ZCCHC14: variants seen among roughly 807,000 people sequenced by gnomAD.
ZCCHC14 encodes zinc finger CCHC-type containing 14, also known as zinc finger CCHC domain-containing protein 14.
Under a neutral mutation model 85.0 loss-of-function variants are expected in ZCCHC14, and 16 were observed. The ratio of observed to expected loss-of-function variants is 0.19; its 90% CI spans 0.13 to 0.29. ZCCHC14 has a LOEUF of 0.29. ZCCHC14 is among the 10% of genes least tolerant of loss of function. The pLI, the probability that ZCCHC14 is intolerant of heterozygous loss-of-function variation, is 1.00. For synonymous variants in ZCCHC14, 775 were observed against 630.7 expected (o/e 1.23, Z -3.43); for missense variants, 1,303 against 1,443.5 (o/e 0.90, Z 1.58).
intron 1 of ZCCHC14, among the ~76,000 whole-genome samples, chr16:87,482,936 C>G (rs1472509107): frequency 3.3e-5 from 5 of 151,542 alleles, no homozygotes; most frequent in African/African-American, 1.2e-4. Flanking sequence ...TATGTATGCA[C>G]AATACATGCA....
chr16:87,452,311 G>C (rs953317242), intron 2 of ZCCHC14, among the ~76,000 whole-genome samples: 1 of 152,238 alleles, frequency 6.6e-6, no homozygotes, highest in Non-Finnish European at 1.5e-5. Flanking sequence ...GGCAGGAGCT[G>C]GCAGCTCCAT....
intron 1 of ZCCHC14, chr16:87,471,629 C>G (rs1407657252): frequency 3.3e-5 from 5 of 152,322 alleles, no homozygotes; most frequent in Non-Finnish European, 5.9e-5. Context: ...CCAAGACATC[C>G]CACCAGGGGC....
At chr16:87,488,625 G>A (rs540541255) in intron 1 of ZCCHC14, among the ~76,000 whole-genome samples, 8 of 152,320 alleles carry the variant, frequency 5.3e-5, no homozygotes, top group South Asian at 2.1e-4. Flanking sequence ...CACCCAGGCT[G>A]GAATGCAGTG....
intron 1 of ZCCHC14, chr16:87,467,004 T>A (rs937574030): frequency 1.2e-4 from 46 of 393,708 alleles, no homozygotes; most frequent in Middle Eastern, 7.4e-4. Context: ...AGCCTCACAG[T>A]CACTTTGGAG....
At chr16:87,487,842 C>T (rs567274987) in intron 1 of ZCCHC14, among the ~76,000 whole-genome samples, 5 of 152,190 alleles carry the variant, frequency 3.3e-5, no homozygotes, top group South Asian at 2.1e-4. Context: ...ACAGCATGGA[C>T]GGGCCCTGAC....
At chr16:87,474,272 ATCC>A (rs1291299993) in intron 1 of ZCCHC14, 2 of 152,328 alleles carry the variant, frequency 1.3e-5, no homozygotes, top group East Asian at 3.9e-4. Context: ...TTCCACTGAC[ATCC>A]TCCAAATGGA....
At chr16:87,475,928 T>C (rs1911985616) in intron 1 of ZCCHC14, among the ~76,000 whole-genome samples, 2 of 152,074 alleles carry the variant, frequency 1.3e-5, no homozygotes, top group African/African-American at 4.8e-5. Context: ...ATAAATTCAA[T>C]AAACACTTGG....
chr16:87,422,568 A>T (rs983644581), intron 4 of ZCCHC14, among the ~76,000 whole-genome samples: 8 of 111,918 alleles, frequency 7.1e-5, no homozygotes, highest in Admixed American at 1.6e-4. Flanking sequence ...ACTAAAAATT[A>T]AAAAAAAAAA....
chr16:87,492,029 G>A lies in ZCCHC14; in HGVS notation c.210C>T (p.Ala70=), dbSNP rs1476980824. Residue 70 remains alanine (A), a synonymous_variant, in exon 1 of 13, where the codon GCC becomes GCT. Transcript: ENST00000671377. The surrounding 1 kb of genome is among the most constrained non-coding windows in gnomAD (Gnocchi z 6.7). Reference sequence around the variant, plus strand: ...TCAGGTTGGTGAGGCTGCCCAGGTCGGCCGGGTTGTTGGCCTTGATCTCCG... The same window carrying A: ...TCAGGTTGGTGAGGCTGCCCAGGTCAGCCGGGTTGTTGGCCTTGATCTCCG... The part of the protein sequence containing the change: ...RDSEIKANNP[A]DLGSLTNLTD... 2.9e-6 allele frequency: 4 copies of A among 1,389,266 alleles called. No individual in the cohort carries two copies. The highest frequency in any genetic ancestry group is 3.7e-6 in the Non-Finnish European group (4 of 1,078,598). The allele number at this position is 1,389,266 out of a possible 1,614,324, so 86.1% of individuals were successfully genotyped here.
At chr16:87,432,319 T>C (rs1909703585) in intron 3 of ZCCHC14, among the ~76,000 whole-genome samples, 1 of 152,162 alleles carries the variant, frequency 6.6e-6, no homozygotes, top group African/African-American at 2.4e-5. Flanking sequence ...GGCATCTAGG[T>C]GGGACCAAGA....
intron 2 of ZCCHC14, among the ~76,000 whole-genome samples, chr16:87,448,484 G>C (rs1428677686): frequency 6.6e-6 from 1 of 152,102 alleles, no homozygotes; most frequent in Non-Finnish European, 1.5e-5. Context: ...TTCTTCCCGT[G>C]CGTACTGAAC....
intron 2 of ZCCHC14, among the ~76,000 whole-genome samples, chr16:87,454,384 C>T (rs565243095): frequency 2.7e-3 from 407 of 152,280 alleles, no homozygotes; most frequent in African/African-American, 9.1e-3. Context: ...AGACAACATC[C>T]TCAACGCAGC....
At chr16:87,427,013 G>A (rs1469704010) in intron 3 of ZCCHC14, among the ~76,000 whole-genome samples, 1 of 152,236 alleles carries the variant, frequency 6.6e-6, no homozygotes, top group Non-Finnish European at 1.5e-5. Context: ...ACGCGGGCTC[G>A]CGTGCACGCC....
chr16:87,418,758 T>A, intron 7 of ZCCHC14, 89 bp downstream of exon 7: 3 of 1,326,648 alleles, frequency 2.3e-6, no homozygotes, highest in Non-Finnish European at 2.1e-6. Context: ...GAGCATGACT[T>A]AATTCTTGGA....
chr16:87,491,864 C>T lies in ZCCHC14; in HGVS notation c.375G>A (p.Glu125=). Residue 125 remains glutamate, a synonymous_variant, in exon 1 of 13, where the codon GAG becomes GAA. Transcript: ENST00000671377. The surrounding 1 kb of genome is among the most constrained non-coding windows in gnomAD (Gnocchi z 5.9). The part of the protein sequence containing the change: ...IIHNYGLQLN[E]GRTGDEFLLL... ...GCAGGAACTCATCGCCCGTGCGGCCCTCGTTAAGCTGCAGCCCGTAGTTGT... is the reference window on the plus strand; with the variant it reads ...GCAGGAACTCATCGCCCGTGCGGCCTTCGTTAAGCTGCAGCCCGTAGTTGT... 6.4e-7 allele frequency: 1 copy of T among 1,558,230 alleles called. No individual in the cohort carries two copies. The highest frequency in any genetic ancestry group is 8.6e-7 in the Non-Finnish European group (1 of 1,159,560).
chr16:87,467,359 C>T, intron 1 of ZCCHC14: 1 of 1,597,626 alleles, frequency 6.3e-7, no homozygotes, highest in Non-Finnish European at 8.6e-7. Context: ...CTCTGCACCC[C>T]TGGGGTAATT....
At chr16:87,430,196 C>G (rs75976767) in intron 3 of ZCCHC14, among the ~76,000 whole-genome samples, 2,524 of 152,270 alleles carry the variant, frequency 0.017, 25 homozygotes, top group Middle Eastern at 0.044. Flanking sequence ...TTTAGGTCTC[C>G]GATCACTTCT....
At chr16:87,413,406 G>C (rs372420126) in intron 10 of ZCCHC14, among the ~76,000 whole-genome samples, 26 of 152,340 alleles carry the variant, frequency 1.7e-4, no homozygotes, top group African/African-American at 6.0e-4. Context: ...GCTCAGCCAG[G>C]GCCCTGCCGG....
At position 87,411,503 on chromosome 16, in the gene ZCCHC14, G is replaced by A. The variant is rs577653828; in HGVS notation, c.3205+13C>T. The stretch of plus-strand genomic sequence containing the variant: ...GCGGGAGCCTGGTGGGCGCGGCCAT[G>A]GCGCGCGCTTACCTGGCCGGTTGAA... On this transcript the variant is annotated intron_variant, in intron 12 of 12. Transcript: ENST00000671377. 4 of 1,612,990 alleles carry A rather than the reference G, an allele frequency of 2.5e-6. No individual in the cohort carries two copies. Among genetic ancestry groups the A allele is most frequent in the Admixed American group, 3.3e-5 (2 of 60,012 alleles).
Sources: allele counts gnomAD v4.1 joint callset (sites outside exome capture counted in the v4.1 genomes callset), GRCh38; gene constraint gnomAD v4.1.1; non-coding constraint Gnocchi (gnomAD v3.1); transcripts MANE v1.5; gene names NCBI Gene and HGNC (gene_info 2026-07-23, HGNC 2026-07-21).